DTD1: variants seen among roughly 807,000 people sequenced by gnomAD.
The protein encoded by DTD1 is D-aminoacyl-tRNA deacylase 1.
In DTD1, 13 loss-of-function variants were observed where a neutral mutation model predicts 25.6. The observed-to-expected ratio is 0.51, with a 90% confidence interval of 0.33 to 0.81. The LOEUF (loss-of-function observed/expected upper bound fraction) is 0.81. DTD1 is among the 30% of genes least tolerant of loss of function. DTD1 has a pLI of 0.02. For missense variants in DTD1, 193 were observed against 266.4 expected, an observed-to-expected ratio of 0.72 and a Z score of 1.92; for synonymous variants, 110 against 103.6, an observed-to-expected ratio of 1.06 and a Z score of -0.37.
chr20:18,610,386 T>G (rs1050058420), intron 3 of DTD1, among the ~76,000 whole-genome samples: 2 of 152,176 alleles, frequency 1.3e-5, no homozygotes, highest in Non-Finnish European at 2.9e-5. Context: ...CCACCACACC[T>G]GGCATACTTC....
intron 4 of DTD1, among the ~76,000 whole-genome samples, chr20:18,680,624 C>G (rs556968960): frequency 6.6e-6 from 1 of 152,138 alleles, no homozygotes; most frequent in East Asian, 1.9e-4. Flanking sequence ...GTATCGCTGC[C>G]TCTGGAGTGT....
chr20:18,662,716 G>C (rs904228905), intron 4 of DTD1, among the ~76,000 whole-genome samples: 5 of 152,000 alleles, frequency 3.3e-5, no homozygotes, highest in African/African-American at 9.7e-5. Flanking sequence ...ATTTCCAAAG[G>C]GATAATAGGA....
Position 18,749,283 on chromosome 20 carries a change from C to T in DTD1, c.*19+5012C>T, listed in dbSNP as rs1345841140. On this transcript the variant is annotated intron_variant, in intron 5 of 5. Coordinates refer to ENST00000377452, the MANE Select transcript of DTD1 (RefSeq NM_080820.6). The surrounding 1 kb of genome is among the most constrained non-coding windows in gnomAD (Gnocchi z 4.2). Reference sequence around the variant, plus strand: ...AGGCAGCTGCAGCCCAGTGAGGTAGCAAGACACGGTCAGGCCTCAGGGCCT... The same window carrying T: ...AGGCAGCTGCAGCCCAGTGAGGTAGTAAGACACGGTCAGGCCTCAGGGCCT... Among the ~76,000 whole-genome samples the T allele has an allele frequency of 6.6e-6, 1 of 152,184 alleles. No homozygotes were observed. The highest frequency in any genetic ancestry group is 2.4e-5 in the African/African-American group (1 of 41,434).
chr20:18,715,981 G>A (rs2061178985), intron 4 of DTD1, among the ~76,000 whole-genome samples: 1 of 152,134 alleles, frequency 6.6e-6, no homozygotes, highest in African/African-American at 2.4e-5. Context: ...AGTGATTTGA[G>A]GTTGGACCCC....
chr20:18,594,994 T>A (rs1280414388), intron 2 of DTD1, among the ~76,000 whole-genome samples: 2 of 152,188 alleles, frequency 1.3e-5, no homozygotes. Flanking sequence ...GAAACTGTCA[T>A]CTACTTAACA....
intron 5 of DTD1, among the ~76,000 whole-genome samples, chr20:18,761,443 T>G (rs2061362533): frequency 6.6e-6 from 1 of 152,200 alleles, no homozygotes; most frequent in African/African-American, 2.4e-5. Flanking sequence ...TTTCTCTAAC[T>G]TTACAAAGTT....
rs78105957 is a variant in DTD1 at position 18,640,222 on chromosome 20, A to G, written c.477+11989A>G. On this transcript the variant is annotated intron_variant, in intron 4 of 5. Coordinates refer to ENST00000377452, the MANE Select transcript of DTD1 (RefSeq NM_080820.6). ...TGTTATTTTTTAATAGTAAGCTTTT[A>G]TAGTATTCCTGGGTAGAAAGGTATT... Among the ~76,000 whole-genome samples, 1,197 of 152,214 alleles carry G rather than the reference A, an allele frequency of 7.9e-3. 8 individuals are homozygous for G. Among genetic ancestry groups the G allele is most frequent in the Middle Eastern group, 0.014 (4 of 294 alleles).
intron 4 of DTD1, among the ~76,000 whole-genome samples, chr20:18,688,437 C>A (rs1278425586): frequency 2.6e-5 from 4 of 152,094 alleles, no homozygotes; most frequent in African/African-American, 9.7e-5. Flanking sequence ...AGGAACTCTT[C>A]CCTGAGGAAG....
intron 4 of DTD1, among the ~76,000 whole-genome samples, chr20:18,723,941 C>T (rs892208651): frequency 1.3e-5 from 2 of 152,118 alleles, no homozygotes; most frequent in Non-Finnish European, 2.9e-5. Flanking sequence ...CTCCTGTTTT[C>T]CATTTAGTTT....
intron 4 of DTD1, among the ~76,000 whole-genome samples, chr20:18,693,793 G>A: frequency 6.6e-6 from 1 of 152,142 alleles, no homozygotes; most frequent in Non-Finnish European, 1.5e-5. Context: ...GTCTCAGTGA[G>A]GTATTCACAG....
intron 5 of DTD1, among the ~76,000 whole-genome samples, chr20:18,747,395 G>A (rs1342672603): frequency 6.6e-6 from 1 of 152,120 alleles, no homozygotes; most frequent in Non-Finnish European, 1.5e-5. Flanking sequence ...GCAGGGCGGG[G>A]GCAGGCATGT....
intron 5 of DTD1, among the ~76,000 whole-genome samples, chr20:18,751,557 A>G (rs1019412539): frequency 6.6e-6 from 1 of 151,842 alleles, no homozygotes; most frequent in African/African-American, 2.4e-5. Flanking sequence ...CAGTGGTGCA[A>G]TCCCTGCTCA....
chr20:18,603,811 A>G (rs2060646176), intron 3 of DTD1, among the ~76,000 whole-genome samples: 2 of 100,722 alleles, frequency 2.0e-5, no homozygotes, highest in Admixed American at 1.1e-4. Context: ...AAATGCCCAC[A>G]AGAGAAAGCA....
At chr20:18,760,222 T>C (rs536833664) in intron 5 of DTD1, among the ~76,000 whole-genome samples, 1 of 152,316 alleles carries the variant, frequency 6.6e-6, no homozygotes, top group South Asian at 2.1e-4. Context: ...TCTGAAGCCT[T>C]CTTCTCTCAA....
intron 3 of DTD1, among the ~76,000 whole-genome samples, chr20:18,626,589 TG>T (rs1269201106): frequency 1.3e-5 from 2 of 152,194 alleles, no homozygotes; most frequent in Non-Finnish European, 2.9e-5. Flanking sequence ...TGTGAGTGTG[TG>T]TTTTTTTTAA....
At chr20:18,621,130 G>T (rs1196083988) in intron 3 of DTD1, among the ~76,000 whole-genome samples, 1 of 152,138 alleles carries the variant, frequency 6.6e-6, no homozygotes, top group Non-Finnish European at 1.5e-5. Flanking sequence ...GCATTTAGTT[G>T]TTGCAGCTCC....
At chr20:18,656,441 C>G (rs1186738699) in intron 4 of DTD1, among the ~76,000 whole-genome samples, 1 of 152,202 alleles carries the variant, frequency 6.6e-6, no homozygotes, top group African/African-American at 2.4e-5. Flanking sequence ...ACTCAGGAAT[C>G]CAGTCTCCAT....
intron 4 of DTD1, chr20:18,631,062 C>T: frequency 3.0e-6 from 3 of 985,424 alleles, no homozygotes; most frequent in Non-Finnish European, 3.6e-6. Context: ...TTCCCCTTGT[C>T]TGTCCTCTGG....
chr20:18,699,010 A>G (rs549740798), intron 4 of DTD1, among the ~76,000 whole-genome samples: 18 of 152,122 alleles, frequency 1.2e-4, no homozygotes, highest in African/African-American at 3.1e-4. Flanking sequence ...GGTGTTTCCT[A>G]TGTCCTCTGG....
Sources: allele counts gnomAD v4.1 joint callset (sites outside exome capture counted in the v4.1 genomes callset), GRCh38; gene constraint gnomAD v4.1.1; non-coding constraint Gnocchi (gnomAD v3.1); transcripts MANE v1.5; gene names NCBI Gene and HGNC (gene_info 2026-07-23, HGNC 2026-07-21).